BCLAF3: variants seen among roughly 807,000 people sequenced by gnomAD.
BCLAF3 encodes the protein BCLAF1 and THRAP3 family member 3, also known as transient octamer binding factor 1.
Under a neutral mutation model 51.2 loss-of-function variants are expected in BCLAF3, and 24 were observed. The ratio of observed to expected loss-of-function variants is 0.47; its 90% CI spans 0.34 to 0.66. BCLAF3 has a LOEUF of 0.66. BCLAF3 is among the 30% of genes least tolerant of loss of function. BCLAF3 has a pLI of 0.01. For synonymous variants in BCLAF3, 152 were observed against 176.6 expected, an observed-to-expected ratio of 0.86 and a Z score of 1.10; for missense variants, 465 against 525.1, an observed-to-expected ratio of 0.89 and a Z score of 1.12.
chrX:19,936,820 G>A (rs899560319), intron 9 of BCLAF3, among the ~76,000 whole-genome samples: 5 of 111,315 alleles, frequency 4.5e-5, no homozygotes, highest in African/African-American at 1.3e-4. Context: ...GCAAAGGGGA[G>A]TAACGAAACA....
Position 19,969,568 on chromosome X carries a change from T to A in BCLAF3, c.41+656A>T, listed in dbSNP as rs752018699. Among the ~76,000 whole-genome samples, 10 of 112,081 alleles carry A rather than the reference T, an allele frequency of 8.9e-5. No individual in the cohort carries two copies. The East Asian group carries it at 2.5e-3, about 28-fold the overall frequency. On this transcript the variant is annotated intron_variant, in intron 2 of 11. Coordinates refer to ENST00000379682, the MANE Select transcript of BCLAF3 (RefSeq NM_001367774.2). ...TTTCCTCCACAAAAACAGAATTATT[T>A]CCTCCCTAGAAATCCAGAATCCTTT...
At chrX:19,950,674 TATC>T (rs779286448) in intron 8 of BCLAF3, 76 bp downstream of exon 8, 1 of 678,111 alleles carries the variant, frequency 1.5e-6, no homozygotes, top group African/African-American at 2.2e-5. Context: ...AAATGAAAAT[TATC>T]ATCACACAAA....
intron 4 of BCLAF3, among the ~76,000 whole-genome samples, chrX:19,958,365 C>T (rs2071736225): frequency 8.9e-6 from 1 of 111,914 alleles, no homozygotes; most frequent in South Asian, 3.7e-4. Context: ...ATTCCCCTGC[C>T]CTCTGGAAGC....
chrX:19,933,240 T>C (rs1444262446), intron 10 of BCLAF3, among the ~76,000 whole-genome samples: 1 of 112,402 alleles, frequency 8.9e-6, no homozygotes, highest in Non-Finnish European at 1.9e-5. Flanking sequence ...TTTAAAAGTA[T>C]GTCCTAATAT....
intron 1 of BCLAF3, among the ~76,000 whole-genome samples, chrX:19,976,395 T>C (rs2072422596): frequency 1.8e-5 from 2 of 111,630 alleles, no homozygotes; most frequent in African/African-American, 3.3e-5. Context: ...GAAAACAGAA[T>C]TTCTTTTTTT....
chrX:19,933,147 G>A (rs1181781909), intron 10 of BCLAF3, among the ~76,000 whole-genome samples: 1 of 111,892 alleles, frequency 8.9e-6, no homozygotes, highest in Non-Finnish European at 1.9e-5. Flanking sequence ...GGGAAGAACT[G>A]GCTGTAGCAA....
chrX:19,924,249 T>A, intron 11 of BCLAF3, among the ~76,000 whole-genome samples: 1 of 110,321 alleles, frequency 9.1e-6, no homozygotes, highest in Non-Finnish European at 1.9e-5. Context: ...TGGGAGGAGG[T>A]AAGGGCAATC....
intron 1 of BCLAF3, among the ~76,000 whole-genome samples, chrX:19,974,333 T>C (rs182367571): frequency 1.3e-4 from 14 of 111,667 alleles, no homozygotes; most frequent in Middle Eastern, 4.6e-3. Context: ...CAAACTTTAG[T>C]GTGCATTAGA....
intron 1 of BCLAF3, among the ~76,000 whole-genome samples, chrX:19,987,541 G>A (rs180877467): frequency 8.9e-6 from 1 of 112,329 alleles, no homozygotes; most frequent in Non-Finnish European, 1.9e-5. Flanking sequence ...CTGACCTCAG[G>A]TGATCCGTCC....
At chrX:19,933,487 T>C (rs1261198196) in intron 10 of BCLAF3, among the ~76,000 whole-genome samples, 1 of 112,219 alleles carries the variant, frequency 8.9e-6, no homozygotes, top group Non-Finnish European at 1.9e-5. Flanking sequence ...TTTTCACAAT[T>C]ATTTCAGAAG....
chrX:19,989,132 AT>A (rs2148080026), intron 1 of BCLAF3, among the ~76,000 whole-genome samples: 1 of 108,425 alleles, frequency 9.2e-6, no homozygotes, highest in African/African-American at 3.5e-5. Flanking sequence ...AGCAATTCAC[AT>A]TAAAAAAAAA....
Position 19,966,074 on chromosome X carries a change from C to A in BCLAF3, c.611+6G>T. On this transcript the variant is annotated splice_donor_region_variant and intron_variant, in intron 3 of 11. Coordinates refer to ENST00000379682, the MANE Select transcript of BCLAF3 (RefSeq NM_001367774.2). ...CAAATTACCCAGGTTTAATGTTTTC[C>A]TATACCTCTTCTGAAATGAGCTCCT... The A allele has an allele frequency of 8.3e-7, 1 of 1,197,893 alleles. No homozygotes were observed.
rs1181669511 is a variant in BCLAF3 at position 19,914,976 on chromosome X, T to C, written c.*2329A>G. 9.0e-6 allele frequency: 1 copy of C among 111,571 alleles called. No individual in the cohort carries two copies. Among genetic ancestry groups the C allele is most frequent in the East Asian group, 2.8e-4 (1 of 3,599 alleles). The allele number at this position is 111,571 out of a possible 1,213,427, so 9.2% of individuals were successfully genotyped here. A position where few individuals can be genotyped will look rare whatever the true frequency, so the allele number is the denominator to read the frequency against. ...TTCTTTGTTTTTGTGAATCTCTTCT[T>C]CAGCAGTGCATGAGCTTCCTCACAG... On this transcript the variant is annotated 3_prime_UTR_variant, in exon 12 of 12. Transcript: ENST00000379682.
Position 19,990,922 on chromosome X carries a change from C to CCGCCG in BCLAF3, c.-50_-49insCGGCG, listed in dbSNP as rs2072911454. On this transcript the variant is annotated 5_prime_UTR_variant, in exon 1 of 12. Transcript: ENST00000379682. ...GAGCCGCTCACCCGGCCGGGAAGCCCCCGCCGCCGCCGCCGCCGCCGCCGC... is the reference window on the plus strand; with the variant it reads ...GAGCCGCTCACCCGGCCGGGAAGCCCCGCCGCCGCCGCCGCCGCCGCCGCCGCCGC... 1.2e-5 allele frequency among the ~76,000 whole-genome samples: 1 copy of CCGCCG among 84,602 alleles called. No homozygotes were observed. Among genetic ancestry groups the CCGCCG allele is most frequent in the Middle Eastern group, 5.4e-3 (1 of 184 alleles). 73.5% of individuals were successfully genotyped at this position (84,602 alleles called of 115,157 possible).
intron 4 of BCLAF3, among the ~76,000 whole-genome samples, chrX:19,957,001 A>T (rs1004112334): frequency 3.6e-5 from 4 of 112,009 alleles, no homozygotes; most frequent in Middle Eastern, 4.2e-3. Context: ...TTCTTTAAAA[A>T]TTTTAGCTCC....
chrX:19,955,387 C>T lies in BCLAF3; in HGVS notation c.1450+4G>A. ...TCCCTAACGTATGTGCAAAATATAC[C>T]AACCTTTAACTTGATGGATTATTGT... On this transcript the variant is annotated splice_donor_region_variant and intron_variant, in intron 5 of 11. Transcript: ENST00000379682. The T allele has an allele frequency of 8.5e-7, 1 of 1,180,056 alleles. No homozygotes were observed. Among genetic ancestry groups the T allele is most frequent in the Non-Finnish European group, 1.1e-6 (1 of 881,202 alleles).
At chrX:19,961,185 T>C (rs775040833) in intron 4 of BCLAF3, among the ~76,000 whole-genome samples, 1 of 112,667 alleles carries the variant, frequency 8.9e-6, no homozygotes, top group South Asian at 3.6e-4. Context: ...GTTTTGCATA[T>C]GTAACAACCT....
chrX:19,948,256 C>T (rs2071373245), intron 8 of BCLAF3, among the ~76,000 whole-genome samples: 1 of 112,130 alleles, frequency 8.9e-6, no homozygotes, highest in African/African-American at 3.2e-5. Flanking sequence ...CACAAATGTT[C>T]ACAGCACAGT....
At chrX:19,936,886 G>C (rs1250774107) in intron 9 of BCLAF3, among the ~76,000 whole-genome samples, 2 of 111,525 alleles carry the variant, frequency 1.8e-5, no homozygotes. Context: ...CTGTGGTGAT[G>C]GTTGCACACT....
Sources: gnomAD v4.1 joint callset for allele counts (sites outside exome capture counted in the v4.1 genomes callset) on GRCh38, gnomAD v4.1.1 for gene constraint, MANE v1.5 for transcripts, NCBI Gene and HGNC (gene_info 2026-07-23, HGNC 2026-07-21) for gene names.